The following CENATAC variants were observed in gnomAD, a reference collection of about 807,000 sequenced individuals.
The protein encoded by CENATAC is centrosomal AT-AC splicing factor, also known as coiled-coil domain containing 84.
A neutral mutation model predicts 53.7 loss-of-function variants in CENATAC; 53 were observed. That is an observed-to-expected ratio of 0.99 (90% CI 0.79 to 1.24). The LOEUF is 1.24. Among genes scored for constraint, CENATAC ranks in the 50% most tolerant of loss-of-function variants. The probability of loss-of-function intolerance (pLI) is 0.00; values close to 1 mark genes in which losing one functional copy is unlikely to be tolerated. For missense variants in CENATAC, 474 were observed against 417.8 expected (o/e 1.13, Z -1.17); for synonymous variants, 156 against 144.6 (o/e 1.08, Z -0.57).
At chr11:119,010,655 T>G (rs1303975401) in intron 3 of CENATAC, 109 bp from the exon 4 acceptor site, 1 of 955,482 alleles carries the variant, frequency 1.0e-6, no homozygotes, top group African/African-American at 1.6e-5. Context: ...TATACTGTTT[T>G]GTTTCTGAAT....
chr11:119,004,725 T>G (rs926118809), intron 3 of CENATAC: 1 of 153,468 alleles, frequency 6.5e-6, no homozygotes, highest in African/African-American at 2.4e-5. Flanking sequence ...ATCCCACCAC[T>G]ACACTCCAGC....
chr11:119,014,851 C>A, intron 8 of CENATAC, 143 bp from the exon 9 acceptor site: 1 of 567,124 alleles, frequency 1.8e-6, no homozygotes, highest in Middle Eastern at 4.7e-4. Flanking sequence ...TAGCCTAGGG[C>A]CTTCTAAAGC....
At chr11:119,000,547 G>A (rs1942240823) in intron 3 of CENATAC, among the ~76,000 whole-genome samples, 1 of 151,318 alleles carries the variant, frequency 6.6e-6, no homozygotes, top group Non-Finnish European at 1.5e-5. Context: ...TGTGAAGTCA[G>A]GAGTTTGAGA....
In CENATAC at chr11:119,011,237, G is replaced by A. The variant is rs782301681; in HGVS notation, c.467G>A (p.Arg156His). 5.1e-5 allele frequency: 82 copies of A among 1,614,040 alleles called. 1 individual carries two copies. In the East Asian group the frequency reaches 5.6e-4, roughly 11 times the overall value. The part of the protein sequence containing the change: ...KVIKEMAAQI[R>H]EVEQSRQEVV... Reference sequence around the variant, plus strand: ...CTCCCACAGATGGCAGCTCAGATCCGTGAGGTGGAGCAGAGCCGACAGGAG... The same window carrying A: ...CTCCCACAGATGGCAGCTCAGATCCATGAGGTGGAGCAGAGCCGACAGGAG... Residue 156 changes from arginine (R) to histidine (H), a missense_variant, in exon 5 of 11, where the codon CGT becomes CAT. Transcript: ENST00000334418.
At chr11:119,003,478 C>T (rs1006875869) in intron 3 of CENATAC, 26 of 441,958 alleles carry the variant, frequency 5.9e-5, no homozygotes, top group African/African-American at 3.9e-4. Flanking sequence ...TTGTATTTTT[C>T]GTAGAGATAG....
intron 4 of CENATAC, 64 bp from the exon 5 acceptor site, chr11:119,011,157 A>C: frequency 7.0e-7 from 1 of 1,438,672 alleles, no homozygotes; most frequent in Non-Finnish European, 9.8e-7. Flanking sequence ...AAGTTAAAGG[A>C]AAGGCCTCTG....
intron 4 of CENATAC, 89 bp from the exon 5 acceptor site, chr11:119,011,132 G>T (rs926069343): frequency 1.8e-6 from 2 of 1,127,216 alleles, no homozygotes; most frequent in East Asian, 2.4e-5. Context: ...GTCCACGCCT[G>T]GGGGTGGAGG....
chr11:119,008,423 G>A (rs1488648308), intron 3 of CENATAC, among the ~76,000 whole-genome samples: 5 of 152,222 alleles, frequency 3.3e-5, no homozygotes, highest in Admixed American at 6.5e-5. Context: ...ATGCCTGGAC[G>A]TGCACGTAGG....
chr11:119,015,124 C>G (rs1943095713), intron 9 of CENATAC, 41 bp downstream of exon 9: 1 of 1,544,594 alleles, frequency 6.5e-7, no homozygotes, highest in Admixed American at 1.8e-5. Flanking sequence ...TAAATCTTCA[C>G]ACTCAAAAAT....
In CENATAC at chr11:119,015,433, A is replaced by G. The variant is rs1943116908; in HGVS notation, c.932A>G (p.Gln311Arg). 1.2e-6 allele frequency: 2 copies of G among 1,614,052 alleles called. No individual in the cohort carries two copies. Among genetic ancestry groups the G allele is most frequent in the East Asian group, 2.2e-5 (1 of 44,890 alleles). ...GRVWNNGRRW[Q>R]SRHQFKTEAA... ...GTCTGGAATAATGGACGCCGCTGGC[A>G]GTCCAGGTATGTGTGTTCAGTGCCG... The change falls in exon 10 of 11, where the codon CAG (glutamine) becomes CGG (arginine). Residue 311 changes from glutamine (Q) to arginine (R), a missense_variant. Physicochemically the swap from Gln to Arg is conservative, Grantham distance 43. Coordinates refer to ENST00000334418, the MANE Select transcript of CENATAC (RefSeq NM_198489.3).
Position 118,998,163 on chromosome 11 carries a change from G to A in CENATAC, c.-35G>A, listed in dbSNP as rs1294684779. ...AGAGGCCGCCGGATGGCGTAGGATC[G>A]GCCGCTGGTGGTGGTGATACCGGGT... is the stretch of plus-strand genomic sequence containing the variant. On this transcript the variant is annotated 5_prime_UTR_variant, in exon 1 of 11. Coordinates refer to ENST00000334418, the MANE Select transcript of CENATAC (RefSeq NM_198489.3). The A allele has an allele frequency of 2.6e-6, 4 of 1,561,156 alleles. No individual in the cohort carries two copies. Among genetic ancestry groups the A allele is most frequent in the East Asian group, 4.8e-5 (2 of 41,928 alleles).
intron 3 of CENATAC, chr11:119,005,936 CT>C (rs1243577042): frequency 0.023 from 2,807 of 122,590 alleles, 81 homozygotes; most frequent in African/African-American, 0.078. Context: ...ATTTGAGATG[CT>C]TTTTTTTTTT....
At chr11:118,998,641 C>T in intron 2 of CENATAC, 48 bp downstream of exon 2, 3 of 1,538,592 alleles carry the variant, frequency 1.9e-6, no homozygotes, top group Non-Finnish European at 2.6e-6. Flanking sequence ...CATACATATA[C>T]GGGAGGAGGG....
At chr11:119,010,911 A>T in intron 4 of CENATAC, 81 bp downstream of exon 4, 3 of 1,239,352 alleles carry the variant, frequency 2.4e-6, no homozygotes, top group Non-Finnish European at 3.5e-6. Flanking sequence ...AGATGGACCC[A>T]GGCAGGGGAT....
intron 3 of CENATAC, among the ~76,000 whole-genome samples, chr11:119,008,237 C>T (rs1345129982): frequency 6.6e-6 from 1 of 152,142 alleles, no homozygotes; most frequent in Admixed American, 6.6e-5. Flanking sequence ...CTCAGCACAC[C>T]AAGGACCTGC....
In CENATAC at chr11:119,012,054, C is replaced by G. The variant is rs1240098211; in HGVS notation, c.578+51C>G. On this transcript the variant is annotated intron_variant, in intron 6 of 10. Transcript: ENST00000334418. ...TGGGAATTTGACATCTTAGAACATT[C>G]TGCAACCTTTTGCCTGGGAAATGGA... 5 of 1,613,708 alleles carry G rather than the reference C, an allele frequency of 3.1e-6. No individual in the cohort carries two copies. The South Asian group carries it at 4.4e-5, about 14-fold the overall frequency.
intron 3 of CENATAC, among the ~76,000 whole-genome samples, chr11:119,005,356 C>T (rs1942534289): frequency 6.6e-6 from 1 of 151,534 alleles, no homozygotes; most frequent in South Asian, 2.1e-4. Context: ...GTCCCAGCTA[C>T]TTGGGAGGCT....
At chr11:119,014,705 A>G in intron 8 of CENATAC, 1 of 243,162 alleles carries the variant, frequency 4.1e-6, no homozygotes, top group Admixed American at 5.4e-5. Flanking sequence ...AGTGATACTT[A>G]CAGGGGGATG....
intron 3 of CENATAC, among the ~76,000 whole-genome samples, chr11:119,006,304 C>T (rs1272478149): frequency 5.4e-5 from 8 of 148,842 alleles, no homozygotes; most frequent in Non-Finnish European, 1.0e-4. Context: ...GGTACGATCT[C>T]GGCTCACTGC....
Sources: gnomAD v4.1 joint callset for allele counts (sites outside exome capture counted in the v4.1 genomes callset) on GRCh38, gnomAD v4.1.1 for gene constraint, MANE v1.5 for transcripts, NCBI Gene and HGNC (gene_info 2026-07-23, HGNC 2026-07-21) for gene names.